TINCR: variants seen among roughly 807,000 people sequenced by gnomAD.
The protein encoded by TINCR is TINCR-encoded ubiquitin-like protein.
downstream of TINCR, chr19:5,560,696 C>G (rs917743059): frequency 6.6e-6 from 1 of 152,246 alleles, no homozygotes. This position sits in a 1 kb window ranked among gnomAD's most constrained non-coding sequence, Gnocchi z 4.5. Flanking sequence ...CTATGCAAGA[C>G]GAGGCATCCG....
At chr19:5,567,584 T>G (rs2052137779) in intron 1 of TINCR, 81 bp downstream of exon 1, 2 of 376,142 alleles carry the variant, frequency 5.3e-6, no homozygotes, top group Non-Finnish European at 4.7e-6. Flanking sequence ...GAGGCCGCCT[T>G]GGGCGCCCGC....
At chr19:5,559,091 TGGTGATTTGCATGC>T (rs2052086488), downstream of TINCR, 1 of 151,920 alleles carries the variant, frequency 6.6e-6, no homozygotes, top group South Asian at 2.1e-4. Flanking sequence ...AAGAAATGGG[TGGTGATTTGCATGC>T]GATTTGCATG....
At position 5,565,317 on chromosome 19, in the gene TINCR, C is replaced by A. The variant is rs1173447625; in HGVS notation, c.260+2348G>T. On this transcript the variant is annotated intron_variant, in intron 1 of 1. Transcript: ENST00000646160. The surrounding 1 kb of genome is among the most constrained non-coding windows in gnomAD (Gnocchi z 4.0). ...TCCACATCATAGCCTGACATGTCAC[C>A]TTTCCGGAGAGGCGTCCCCCAGTCA... Among the ~76,000 whole-genome samples the A allele has an allele frequency of 6.6e-6, 1 of 152,190 alleles. No individual in the cohort carries two copies. The highest frequency in any genetic ancestry group is 1.5e-5 in the Non-Finnish European group (1 of 68,036).
Position 5,565,538 on chromosome 19 carries a change from C to T in TINCR, c.260+2127G>A, listed in dbSNP as rs942043604. ...ATGCTGACTCTGTACTGCATAATTA[C>T]AGTCTGGACGTCTGAGGGTCGTCCA... On this transcript the variant is annotated intron_variant, in intron 1 of 1. Coordinates refer to ENST00000646160, the Ensembl canonical transcript of TINCR. This position sits in a 1 kb window ranked among gnomAD's most constrained non-coding sequence, Gnocchi z 4.0. 4.6e-5 allele frequency among the ~76,000 whole-genome samples: 7 copies of T among 152,188 alleles called. No individual in the cohort carries two copies. The highest frequency in any genetic ancestry group is 1.7e-4 in the African/African-American group (7 of 41,444).
At chr19:5,558,312 G>A (rs1022789098), downstream of TINCR, 4 of 152,212 alleles carry the variant, frequency 2.6e-5, no homozygotes, top group African/African-American at 7.2e-5. Context: ...AGTGGATCCC[G>A]AGTGAGTCAG....
At chr19:5,562,110 CAGG>C (rs1447866855), downstream of TINCR, 1 of 152,686 alleles carries the variant, frequency 6.5e-6, no homozygotes, top group East Asian at 1.9e-4. The surrounding 1 kb of genome is among the most constrained non-coding windows in gnomAD (Gnocchi z 4.4). Context: ...TCCCGGGAGG[CAGG>C]AGAAGTGCCT....
downstream of TINCR, chr19:5,559,044 A>C (rs2052086091): frequency 6.6e-6 from 1 of 152,262 alleles, no homozygotes; most frequent in African/African-American, 2.4e-5. Context: ...CAGGTCCAAC[A>C]TTATTATTTC....
chr19:5,558,986 A>G (rs1278607518), downstream of TINCR: 1 of 152,302 alleles, frequency 6.6e-6, no homozygotes. Context: ...GGGAAGACGG[A>G]GGAAGGAAAA....
chr19:5,558,950 A>G (rs1375647559), downstream of TINCR: 1 of 152,402 alleles, frequency 6.6e-6, no homozygotes, highest in Admixed American at 6.6e-5. Flanking sequence ...GGAAGGGAGA[A>G]CAGATGGGAA....
intron 1 of TINCR, among the ~76,000 whole-genome samples, chr19:5,564,184 G>A (rs1169960625): frequency 1.3e-5 from 2 of 152,178 alleles, no homozygotes; most frequent in Non-Finnish European, 2.9e-5. Flanking sequence ...GGAAGTGAGA[G>A]AGGGCCTGGC....
chr19:5,567,623 G>GCCCCCCCCCCCCCCCCCCCCCCCC, intron 1 of TINCR, 42 bp downstream of exon 1: 1 of 328,352 alleles, frequency 3.0e-6, no homozygotes. Context: ...GGGGTCCCCG[G>GCCCCCCCCCCCCCCCCCCCCCCCC]CCGCCGCCCC....
intron 1 of TINCR, among the ~76,000 whole-genome samples, chr19:5,566,132 G>C (rs1263155875): frequency 6.6e-6 from 1 of 152,200 alleles, no homozygotes; most frequent in Non-Finnish European, 1.5e-5. Context: ...CTGTGGGAAA[G>C]ATAAGGCGGT....
Position 5,567,677 on chromosome 19 carries a change from A to G in TINCR, c.248T>C (p.Val83Ala), listed in dbSNP as rs1599205035. The G allele has an allele frequency of 2.4e-5, 3 of 127,562 alleles. No homozygotes were observed. The East Asian group carries it at 8.0e-4, about 34-fold the overall frequency. 7.9% of individuals were successfully genotyped at this position (127,562 alleles called of 1,614,324 possible). The change falls in exon 1 of 2, where the codon GTC becomes GCC. Residue 83 changes from valine (V) to alanine (A), a missense_variant. Transcript: ENST00000646160. ...GCCCCGCGGCCACCTGGGGTCGCTG[A>G]CGAGCAGCAGCACCGAGCCGTCCTG... is the stretch of plus-strand genomic sequence containing the variant.
chr19:5,567,626 G>GCCTACC, intron 1 of TINCR, 39 bp downstream of exon 1: 1 of 202,442 alleles, frequency 4.9e-6, no homozygotes, highest in Non-Finnish European at 9.8e-6. Flanking sequence ...GTCCCCGGCC[G>GCCTACC]CCGCCCCCGC....
chr19:5,567,023 G>C (rs2052133274), intron 1 of TINCR, among the ~76,000 whole-genome samples: 1 of 151,716 alleles, frequency 6.6e-6, no homozygotes, highest in Admixed American at 6.6e-5. Context: ...AACAGAGGCA[G>C]AGATGGAGAG....
Position 5,563,788 on chromosome 19 carries a change from G to A in TINCR, c.261-839C>T, listed in dbSNP as rs1041244632. 2.6e-5 allele frequency among the ~76,000 whole-genome samples: 4 copies of A among 152,092 alleles called. No homozygotes were observed. The highest frequency in any genetic ancestry group is 5.9e-5 in the Non-Finnish European group (4 of 68,004). The stretch of plus-strand genomic sequence containing the variant: ...AAATTAGCCAGGCATGGTGGCGGGC[G>A]CCTGTAATCCCAGCTACTCAGGAGA... On this transcript the variant is annotated intron_variant, in intron 1 of 1. Coordinates refer to ENST00000646160, the Ensembl canonical transcript of TINCR. The surrounding 1 kb of genome is among the most constrained non-coding windows in gnomAD (Gnocchi z 4.7).
At chr19:5,567,626 G>GCCCCCCCCCCCCCCCCCCCCCCCCCC in intron 1 of TINCR, 39 bp downstream of exon 1, 3 of 202,440 alleles carry the variant, frequency 1.5e-5, no homozygotes, top group Admixed American at 6.1e-5. Flanking sequence ...GTCCCCGGCC[G>GCCCCCCCCCCCCCCCCCCCCCCCCCC]CCGCCCCCGC....
In TINCR at chr19:5,565,634, C is replaced by A. The variant is rs1034017678; in HGVS notation, c.260+2031G>T. 6.6e-6 allele frequency among the ~76,000 whole-genome samples: 1 copy of A among 152,120 alleles called. No homozygotes were observed. The highest frequency in any genetic ancestry group is 1.9e-4 in the East Asian group (1 of 5,182). On this transcript the variant is annotated intron_variant, in intron 1 of 1. Coordinates refer to ENST00000646160, the Ensembl canonical transcript of TINCR. The surrounding 1 kb of genome is among the most constrained non-coding windows in gnomAD (Gnocchi z 4.0). Reference sequence around the variant, plus strand: ...TAGCCCCAAGCTCTGAACCTCCATCCCTCATCATCCTCTCAGCCTCCCCGT... The same window carrying A: ...TAGCCCCAAGCTCTGAACCTCCATCACTCATCATCCTCTCAGCCTCCCCGT...
intron 1 of TINCR, 36 bp downstream of exon 1, chr19:5,567,629 G>GCCCCCCCCCCCCCCCCCCCCCCAGC: frequency 5.5e-6 from 1 of 181,986 alleles, no homozygotes; most frequent in Non-Finnish European, 1.1e-5. Context: ...CCCGGCCGCC[G>GCCCCCCCCCCCCCCCCCCCCCCAGC]CCCCCGCCCC....
Sources: gnomAD v4.1 joint callset for allele counts (sites outside exome capture counted in the v4.1 genomes callset) on GRCh38, gnomAD v4.1.1 for gene constraint, Gnocchi (gnomAD v3.1) non-coding constraint, MANE v1.5 for transcripts, NCBI Gene and HGNC (gene_info 2026-07-23, HGNC 2026-07-21) for gene names.